TTLL11: variants seen among roughly 807,000 people sequenced by gnomAD.
The protein encoded by TTLL11 is tubulin polyglutamylase TTLL11.
A neutral mutation model predicts 51.7 loss-of-function variants in TTLL11; 42 were observed. The observed-to-expected ratio is 0.81, with a 90% CI of 0.64 to 1.05. The LOEUF is 1.05. Ranked by LOEUF, TTLL11 falls within the 50% of genes least tolerant of loss-of-function variation. The pLI is 0.00. For synonymous variants in TTLL11, 381 were observed against 383.5 expected (o/e 0.99, Z 0.08); for missense variants, 799 against 940.4 (o/e 0.85, Z 1.97).
intron 5 of TTLL11, 55 bp from the exon 6 acceptor site, chr9:121,974,179 G>A: frequency 4.3e-6 from 6 of 1,383,980 alleles, no homozygotes; most frequent in Non-Finnish European, 6.0e-6. Context: ...CGTGCCAAGT[G>A]GCTATCCAGC....
intron 1 of TTLL11, among the ~76,000 whole-genome samples, chr9:122,046,246 C>T (rs10760207): frequency 0.22 from 33,088 of 151,864 alleles, 3,863 homozygotes; most frequent in Non-Finnish European, 0.24. Context: ...TGAATTCTCA[C>T]GAGATCTGGT....
intron 6 of TTLL11, among the ~76,000 whole-genome samples, chr9:121,871,688 T>G (rs1370094531): frequency 3.9e-5 from 6 of 152,248 alleles, no homozygotes; most frequent in Non-Finnish European, 8.8e-5. Flanking sequence ...AAGTCTGTAC[T>G]GCTCATTCTG....
chr9:121,953,940 A>G (rs1291958626), intron 6 of TTLL11, among the ~76,000 whole-genome samples: 2 of 152,198 alleles, frequency 1.3e-5, no homozygotes, highest in Non-Finnish European at 2.9e-5. Flanking sequence ...TAATTGAGTT[A>G]ACAGAATGTT....
intron 6 of TTLL11, among the ~76,000 whole-genome samples, chr9:121,920,564 T>C (rs1236402515): frequency 1.3e-5 from 2 of 152,206 alleles, no homozygotes; most frequent in Non-Finnish European, 2.9e-5. Flanking sequence ...CTTTGACAGA[T>C]AATCAAACCA....
chr9:121,975,796 T>TA (rs1193926780), intron 4 of TTLL11, among the ~76,000 whole-genome samples: 5 of 152,246 alleles, frequency 3.3e-5, no homozygotes, highest in African/African-American at 4.8e-5. Flanking sequence ...GAATGTATTT[T>TA]AAATAAAGCA....
chr9:121,883,509 A>G (rs991317723), intron 6 of TTLL11, among the ~76,000 whole-genome samples: 1 of 152,150 alleles, frequency 6.6e-6, no homozygotes, highest in African/African-American at 2.4e-5. Context: ...TCTTTCCTCA[A>G]AGAACTCTGG....
At chr9:121,842,442 G>GA (rs542816701) in intron 8 of TTLL11, among the ~76,000 whole-genome samples, 204 of 152,234 alleles carry the variant, frequency 1.3e-3, no homozygotes, top group African/African-American at 4.7e-3. Context: ...GTAACTTTGT[G>GA]TATGTGTGTG....
intron 6 of TTLL11, among the ~76,000 whole-genome samples, chr9:121,964,733 C>G (rs962862772): frequency 6.6e-6 from 1 of 152,136 alleles, no homozygotes; most frequent in South Asian, 2.1e-4. Context: ...CCCAACAGAG[C>G]CTTGTGCCTT....
At chr9:121,830,475 G>A (rs142337614) in intron 8 of TTLL11, among the ~76,000 whole-genome samples, 1 of 152,178 alleles carries the variant, frequency 6.6e-6, no homozygotes, top group African/African-American at 2.4e-5. Context: ...TCTGCAAAGC[G>A]GGGCTTATTT....
At chr9:121,855,384 T>G (rs531245236) in intron 8 of TTLL11, among the ~76,000 whole-genome samples, 2 of 152,356 alleles carry the variant, frequency 1.3e-5, no homozygotes, top group South Asian at 4.1e-4. Context: ...ATGCTTTTTC[T>G]CACTAGTTTT....
chr9:122,090,257 A>C (rs1458617541), intron 1 of TTLL11, among the ~76,000 whole-genome samples: 2 of 152,198 alleles, frequency 1.3e-5, no homozygotes, highest in Non-Finnish European at 2.9e-5. Flanking sequence ...CTGAGGCCTC[A>C]AGGGTTTAAC....
intron 6 of TTLL11, among the ~76,000 whole-genome samples, chr9:121,878,899 G>A (rs1008805180): frequency 6.6e-6 from 1 of 152,136 alleles, no homozygotes; most frequent in African/African-American, 2.4e-5. Context: ...CTCCTCCCTG[G>A]GCTGTGGGGC....
At chr9:121,987,191 T>C (rs1290098159) in intron 4 of TTLL11, among the ~76,000 whole-genome samples, 32 of 152,100 alleles carry the variant, frequency 2.1e-4, no homozygotes, top group Admixed American at 2.1e-3. Flanking sequence ...GGCAGGGACA[T>C]GGTTTGGGGC....
At chr9:121,907,758 C>T (rs916202340) in intron 6 of TTLL11, among the ~76,000 whole-genome samples, 1 of 152,078 alleles carries the variant, frequency 6.6e-6, no homozygotes, top group African/African-American at 2.4e-5. Context: ...TCTTGGGGGA[C>T]TGTCATATCT....
At chr9:121,830,996 A>G (rs1238578289) in intron 8 of TTLL11, among the ~76,000 whole-genome samples, 1 of 152,166 alleles carries the variant, frequency 6.6e-6, no homozygotes, top group East Asian at 1.9e-4. Context: ...GGCTTGGACC[A>G]GTATGATACT....
At chr9:122,015,998 AG>A (rs1279834932) in intron 3 of TTLL11, among the ~76,000 whole-genome samples, 1 of 152,084 alleles carries the variant, frequency 6.6e-6, no homozygotes, top group Non-Finnish European at 1.5e-5. Context: ...GTAATTAAAC[AG>A]GTAGTCACTA....
intron 6 of TTLL11, among the ~76,000 whole-genome samples, chr9:121,940,288 ACTCT>A (rs1026296491): frequency 2.7e-5 from 4 of 147,586 alleles, no homozygotes; most frequent in African/African-American, 5.0e-5. Context: ...CATCTCTAAA[ACTCT>A]CTCTCTCCCT....
chr9:121,994,401 C>A (rs778339522), intron 3 of TTLL11, among the ~76,000 whole-genome samples: 1 of 152,190 alleles, frequency 6.6e-6, no homozygotes, highest in Non-Finnish European at 1.5e-5. Context: ...CATTAGCACA[C>A]GCTTACTGAG....
chr9:121,838,781 AAAGC>A (rs55715366), intron 8 of TTLL11, among the ~76,000 whole-genome samples: 5,612 of 139,950 alleles, frequency 0.04, 239 homozygotes, highest in African/African-American at 0.13. Context: ...AGCAAGCAAG[AAAGC>A]AAGCAAGCAA....
Sources: gnomAD v4.1 joint callset for allele counts (sites outside exome capture counted in the v4.1 genomes callset) on GRCh38, gnomAD v4.1.1 for gene constraint, MANE v1.5 for transcripts, NCBI Gene and HGNC (gene_info 2026-07-23, HGNC 2026-07-21) for gene names.